Variants in MAGI1 observed in about 807,000 individuals in gnomAD.
The protein encoded by MAGI1 is membrane associated guanylate kinase, WW and PDZ domain containing 1.
MAGI1 carries 58 observed loss-of-function variants against 139.9 expected under a neutral mutation model. The observed-to-expected ratio is 0.41, with a 90% CI of 0.34 to 0.52. The LOEUF is 0.52. Among genes scored for constraint, MAGI1 ranks in the 20% least tolerant of loss-of-function variants. The pLI is 0.12. For missense variants in MAGI1, 1,874 were observed against 1,901.6 expected, an observed-to-expected ratio of 0.99 and a Z score of 0.27; for synonymous variants, 812 against 737.9, an observed-to-expected ratio of 1.10 and a Z score of -1.63.
chr3:65,895,921 C>T (rs1052009658), intron 1 of MAGI1, among the ~76,000 whole-genome samples: 7 of 152,180 alleles, frequency 4.6e-5, no homozygotes, highest in African/African-American at 1.7e-4. Flanking sequence ...TGCCTACAAG[C>T]AGATAGATAC....
chr3:65,439,400 G>T (rs1040286117), intron 9 of MAGI1, among the ~76,000 whole-genome samples: 1 of 152,050 alleles, frequency 6.6e-6, no homozygotes, highest in Admixed American at 6.6e-5. Flanking sequence ...CTATACTCCC[G>T]AATTGCCCAT....
intron 18 of MAGI1, among the ~76,000 whole-genome samples, chr3:65,365,815 G>A (rs1157259556): frequency 6.6e-6 from 1 of 152,242 alleles, no homozygotes; most frequent in East Asian, 1.9e-4. Context: ...CTGAATACAT[G>A]TATCTTCCCA....
At chr3:65,655,613 G>A (rs182133710) in intron 1 of MAGI1, among the ~76,000 whole-genome samples, 29 of 152,328 alleles carry the variant, frequency 1.9e-4, no homozygotes, top group Admixed American at 1.7e-3. Flanking sequence ...TTGCCGGACA[G>A]TGCTAAGTGC....
At chr3:65,865,772 C>A (rs112192840) in intron 1 of MAGI1, among the ~76,000 whole-genome samples, 2,308 of 152,276 alleles carry the variant, frequency 0.015, 60 homozygotes, top group African/African-American at 0.053. Context: ...TCCAGAGTAC[C>A]TGGGATCACC....
chr3:65,690,621 C>G (rs979862463), intron 1 of MAGI1, among the ~76,000 whole-genome samples: 1 of 132,150 alleles, frequency 7.6e-6, no homozygotes, highest in Admixed American at 7.4e-5. Context: ...CCACCATGCC[C>G]GGCTCATTTG....
At chr3:65,965,469 T>C (rs1576290224) in intron 1 of MAGI1, among the ~76,000 whole-genome samples, 1 of 152,182 alleles carries the variant, frequency 6.6e-6, no homozygotes, top group African/African-American at 2.4e-5. Flanking sequence ...TTAAAAGGTA[T>C]GGTCTCTCAA....
intron 1 of MAGI1, among the ~76,000 whole-genome samples, chr3:66,026,336 TACA>T (rs992996817): frequency 7.9e-5 from 12 of 152,198 alleles, no homozygotes; most frequent in African/African-American, 2.7e-4. Flanking sequence ...TTCAAAATGC[TACA>T]ACAACTGGCA....
chr3:66,015,580 C>T (rs7652508), intron 1 of MAGI1, among the ~76,000 whole-genome samples: 10,753 of 152,160 alleles, frequency 0.071, 412 homozygotes, highest in East Asian at 0.08. Flanking sequence ...GCACTTCCAG[C>T]AAAGGATGGC....
intron 2 of MAGI1, among the ~76,000 whole-genome samples, chr3:65,547,593 T>A (rs2079564190): frequency 6.6e-6 from 1 of 152,086 alleles, no homozygotes; most frequent in South Asian, 2.1e-4. Flanking sequence ...AGAAGCAGGG[T>A]TAAAAGCAGG....
chr3:65,643,612 A>T (rs2085102165), intron 1 of MAGI1, among the ~76,000 whole-genome samples: 1 of 152,194 alleles, frequency 6.6e-6, no homozygotes, highest in African/African-American at 2.4e-5. Context: ...TCCCAGAATC[A>T]GAGCTGAAGA....
intron 7 of MAGI1, 79 bp downstream of exon 7, chr3:65,447,943 A>C: frequency 6.8e-7 from 1 of 1,464,090 alleles, no homozygotes. Context: ...ACAGGGATTA[A>C]GCAATTCACT....
At chr3:65,924,937 G>C (rs779927988) in intron 1 of MAGI1, 2 of 152,152 alleles carry the variant, frequency 1.3e-5, no homozygotes, top group Non-Finnish European at 2.9e-5. Flanking sequence ...AACCCTCTGA[G>C]AGAAGTCATG....
intron 1 of MAGI1, among the ~76,000 whole-genome samples, chr3:65,838,111 A>C (rs895742406): frequency 5.3e-5 from 8 of 152,160 alleles, no homozygotes; most frequent in Non-Finnish European, 7.3e-5. Context: ...CACCACCCCA[A>C]TCAAGATACA....
chr3:65,937,748 A>G (rs1276799933), intron 1 of MAGI1, among the ~76,000 whole-genome samples: 2 of 152,022 alleles, frequency 1.3e-5, no homozygotes, highest in Non-Finnish European at 1.5e-5. Context: ...CACTGCAGAC[A>G]GTAAGGTTTG....
intron 1 of MAGI1, among the ~76,000 whole-genome samples, chr3:65,734,674 C>G (rs539782082): frequency 3.3e-5 from 5 of 151,990 alleles, no homozygotes; most frequent in East Asian, 1.9e-4. Context: ...TCTTTAGTGA[C>G]TGTTTCCAAC....
chr3:65,477,197 CA>C (rs1406718794), intron 4 of MAGI1, among the ~76,000 whole-genome samples: 2 of 152,108 alleles, frequency 1.3e-5, no homozygotes, highest in East Asian at 3.8e-4. Context: ...TAAACTCATC[CA>C]AAAAATTTTA....
chr3:66,037,774 C>T (rs377391153), intron 1 of MAGI1, among the ~76,000 whole-genome samples: 3 of 152,180 alleles, frequency 2.0e-5, no homozygotes, highest in African/African-American at 7.2e-5. Flanking sequence ...AAACGTCCCC[C>T]CGCTACCTTG....
intron 18 of MAGI1, chr3:65,365,151 G>T: frequency 1.3e-6 from 1 of 741,606 alleles, no homozygotes; most frequent in South Asian, 1.4e-5. Flanking sequence ...ATGTCCCCAT[G>T]ACCCTCCTCC....
intron 1 of MAGI1, among the ~76,000 whole-genome samples, chr3:65,923,605 C>G (rs1043988438): frequency 3.3e-5 from 5 of 152,086 alleles, no homozygotes; most frequent in Non-Finnish European, 7.3e-5. Context: ...ATAAATATGA[C>G]AAGTATATGC....
Sources: allele counts gnomAD v4.1 joint callset (sites outside exome capture counted in the v4.1 genomes callset), GRCh38; gene constraint gnomAD v4.1.1; transcripts MANE v1.5; gene names NCBI Gene and HGNC (gene_info 2026-07-23, HGNC 2026-07-21).